The following MGRN1 variants were observed in gnomAD, a reference collection of about 807,000 sequenced individuals.
MGRN1 encodes mahogunin ring finger 1.
MGRN1 carries 29 observed loss-of-function variants against 69.2 expected under a neutral mutation model. The observed-to-expected ratio is 0.42, with a 90% CI of 0.31 to 0.57. The LOEUF is 0.57. Among genes scored for constraint, MGRN1 ranks in the 20% least tolerant of loss-of-function variants. The pLI is 0.15. For synonymous variants in MGRN1, 470 were observed against 344.2 expected (o/e 1.37, Z -4.04); for missense variants, 998 against 796.2 (o/e 1.25, Z -3.05).
intron 8 of MGRN1, among the ~76,000 whole-genome samples, chr16:4,671,049 C>CA (rs1397288965): frequency 6.6e-6 from 1 of 152,200 alleles, no homozygotes; most frequent in African/African-American, 2.4e-5. Context: ...CTGGTGCCTT[C>CA]AGGCGTCAGC....
In MGRN1 at chr16:4,654,077, T is replaced by C. The variant is rs377040916; in HGVS notation, c.443+1253T>C. ...CACCTGGCCCAGGTTTTTGTTTGTT[T>C]TTCCTCGGGAGCTCTTAGACGACAC... On this transcript the variant is annotated intron_variant, in intron 4 of 16. Coordinates refer to ENST00000262370, the MANE Select transcript of MGRN1 (RefSeq NM_015246.4). Among the ~76,000 whole-genome samples the C allele has an allele frequency of 3.0e-4, 45 of 152,256 alleles. No individual in the cohort carries two copies. The East Asian group carries it at 8.5e-3, about 29-fold the overall frequency.
At chr16:4,662,147 G>C (rs1684625) in intron 5 of MGRN1, among the ~76,000 whole-genome samples, 1 of 151,922 alleles carries the variant, frequency 6.6e-6, no homozygotes, top group Non-Finnish European at 1.5e-5. Context: ...CTTTCTTCTC[G>C]TCTGTATTTT....
At chr16:4,630,927 C>T (rs550543689) in intron 1 of MGRN1, among the ~76,000 whole-genome samples, 3 of 151,716 alleles carry the variant, frequency 2.0e-5, no homozygotes, top group East Asian at 3.9e-4. Flanking sequence ...TCTCCCACCT[C>T]AGCCTCCCAA....
rs1402249064 is a variant in MGRN1 at position 4,648,648 on chromosome 16, C to T, written c.89-1717C>T. Among the ~76,000 whole-genome samples the T allele has an allele frequency of 1.0e-4, 11 of 108,100 alleles. 1 individual carries two copies. Among genetic ancestry groups the T allele is most frequent in the Non-Finnish European group, 1.6e-4 (9 of 54,596 alleles). 70.9% of individuals were successfully genotyped at this position (108,100 alleles called of 152,430 possible). A position where few individuals can be genotyped will look rare whatever the true frequency, so the allele number is the denominator to read the frequency against. ...TCCCGGGACTCTTCCCGTGGTCACCCGGCTCCTCCTCCCGGGGACTCTTCC... is the reference window on the plus strand; with the variant it reads ...TCCCGGGACTCTTCCCGTGGTCACCTGGCTCCTCCTCCCGGGGACTCTTCC... On this transcript the variant is annotated intron_variant, in intron 1 of 16. Transcript: ENST00000262370.
At chr16:4,668,236 C>G in intron 7 of MGRN1, 29 bp from the exon 8 acceptor site, 1 of 1,613,076 alleles carries the variant, frequency 6.2e-7, no homozygotes, top group Non-Finnish European at 8.5e-7. Flanking sequence ...GCTTGACCAC[C>G]TTAACCTCTT....
chr16:4,672,712 G>T (rs1372832011), intron 9 of MGRN1, among the ~76,000 whole-genome samples: 3 of 152,222 alleles, frequency 2.0e-5, no homozygotes. Context: ...ATAGAAACAG[G>T]CCACAGGCCT....
chr16:4,642,226 G>T (rs1180545090), intron 1 of MGRN1, among the ~76,000 whole-genome samples: 4 of 151,794 alleles, frequency 2.6e-5, no homozygotes, highest in Admixed American at 1.3e-4. Flanking sequence ...TGCCTCTTGG[G>T]TTCGAGAGAT....
chr16:4,657,423 G>T (rs1200772975), intron 5 of MGRN1, 60 bp downstream of exon 5: 3 of 1,514,322 alleles, frequency 2.0e-6, no homozygotes, highest in Admixed American at 1.7e-5. Context: ...CCCCTTGGGG[G>T]TGGGGCCAGC....
At position 4,685,538 on chromosome 16, in the gene MGRN1, C is replaced by A. The variant is rs141352115; in HGVS notation, c.1618+1606C>A. On this transcript the variant is annotated intron_variant, in intron 16 of 16. Coordinates refer to ENST00000262370, the MANE Select transcript of MGRN1 (RefSeq NM_015246.4). ...GTGAACTCCTGGGCCCTGGGCCCCGCTCTTGGAGTTGGCTGCTGCTGAATG... is the reference window on the plus strand; with the variant it reads ...GTGAACTCCTGGGCCCTGGGCCCCGATCTTGGAGTTGGCTGCTGCTGAATG... 5.8e-3 allele frequency among the ~76,000 whole-genome samples: 878 copies of A among 152,370 alleles called. 10 individuals carry two copies. Among genetic ancestry groups the A allele is most frequent in the African/African-American group, 0.019 (793 of 41,580 alleles).
At chr16:4,681,438 G>C in intron 12 of MGRN1, 112 bp from the exon 13 acceptor site, 2 of 1,020,410 alleles carry the variant, frequency 2.0e-6, no homozygotes, top group Non-Finnish European at 2.8e-6. Flanking sequence ...CTCTGAGGGT[G>C]GGGGAGTCTC....
At chr16:4,629,606 G>A (rs1180297288) in intron 1 of MGRN1, among the ~76,000 whole-genome samples, 2 of 151,976 alleles carry the variant, frequency 1.3e-5, no homozygotes, top group Non-Finnish European at 2.9e-5. Flanking sequence ...GGGCGTGGTG[G>A]CACACACCTG....
In MGRN1 at chr16:4,624,960, C is replaced by T; in HGVS notation, c.-1C>T. ...CCCTCTGCCCGGCAGCGCCGCGCAC[C>T]ATGGGCTCCATTCTCAGCCGCCGCA... On this transcript the variant is annotated 5_prime_UTR_variant, in exon 1 of 17. Coordinates refer to ENST00000262370, the MANE Select transcript of MGRN1 (RefSeq NM_015246.4). The T allele has an allele frequency of 6.5e-7, 1 of 1,547,464 alleles. No individual in the cohort carries two copies. The highest frequency in any genetic ancestry group is 1.4e-5 in the African/African-American group (1 of 70,306).
intron 1 of MGRN1, among the ~76,000 whole-genome samples, chr16:4,630,388 CT>C (rs892219075): frequency 9.2e-5 from 14 of 151,388 alleles, no homozygotes; most frequent in African/African-American, 3.4e-4. Context: ...GAAAAGAAAT[CT>C]TTGCCTAGGT....
intron 5 of MGRN1, among the ~76,000 whole-genome samples, chr16:4,657,636 C>T (rs891394549): frequency 3.9e-5 from 6 of 152,156 alleles, no homozygotes; most frequent in East Asian, 1.9e-4. Context: ...AAGAATGGGG[C>T]ACCCCCTGCC....
chr16:4,650,412 A>AC lies in MGRN1; in HGVS notation c.142dup (p.His48ProfsTer3), dbSNP rs2078379414. On this transcript the variant is annotated frameshift_variant, in exon 2 of 17. Coordinates refer to ENST00000262370, the MANE Select transcript of MGRN1 (RefSeq NM_015246.4). LOFTEE classifies it high-confidence loss of function. ...TTTCATGGGAGGAGAGAAATTCGACACCCCCCACCCTGAAGGTTACCTCTT... is the reference window on the plus strand; with the variant it reads ...TTTCATGGGAGGAGAGAAATTCGACACCCCCCCACCCTGAAGGTTACCTCTT... The AC allele has an allele frequency of 6.2e-7, 1 of 1,613,434 alleles. No homozygotes were observed.
At chr16:4,660,641 C>G (rs529346796) in intron 5 of MGRN1, among the ~76,000 whole-genome samples, 1 of 152,236 alleles carries the variant, frequency 6.6e-6, no homozygotes, top group African/African-American at 2.4e-5. Context: ...AGCTCTGCCT[C>G]CCCCGTTTGG....
At chr16:4,668,188 C>T (rs1483828623) in intron 7 of MGRN1, 77 bp from the exon 8 acceptor site, 4 of 1,353,640 alleles carry the variant, frequency 3.0e-6, no homozygotes, top group Non-Finnish European at 4.1e-6. Context: ...GCAGGGTGGC[C>T]AACCCAGGCG....
In MGRN1 at chr16:4,682,724, C is replaced by T. The variant is rs1226007258; in HGVS notation, c.1359-99C>T. The T allele has an allele frequency of 2.1e-5, 28 of 1,339,982 alleles. No individual in the cohort carries two copies. In the Middle Eastern group the frequency reaches 7.8e-4, roughly 37 times the overall value. The allele number at this position is 1,339,982 out of a possible 1,614,324, so 83.0% of individuals were successfully genotyped here. On this transcript the variant is annotated intron_variant, in intron 13 of 16. Coordinates refer to ENST00000262370, the MANE Select transcript of MGRN1 (RefSeq NM_015246.4). ...GTGTCCTTGCGTGGGTCCTGGCAGG[C>T]GTGTGCAGGGGCCCCCAGGTGCCCT...
intron 1 of MGRN1, chr16:4,633,644 T>G (rs535524212): frequency 4.0e-5 from 6 of 151,092 alleles, no homozygotes; most frequent in African/African-American, 1.5e-4. Flanking sequence ...TGAGCCGAGG[T>G]CGTGCCATTG....
Sources: allele counts gnomAD v4.1 joint callset (sites outside exome capture counted in the v4.1 genomes callset), GRCh38; gene constraint gnomAD v4.1.1; transcripts MANE v1.5; gene names NCBI Gene and HGNC (gene_info 2026-07-23, HGNC 2026-07-21).